The following KHDRBS3 variants were observed in gnomAD, a reference collection of about 807,000 sequenced individuals.
KHDRBS3 encodes KH RNA binding domain containing, signal transduction associated 3.
A neutral mutation model predicts 45.6 loss-of-function variants in KHDRBS3; 23 were observed. The ratio of observed to expected loss-of-function variants is 0.50; its 90% CI spans 0.36 to 0.72. KHDRBS3 has a LOEUF of 0.72. KHDRBS3 is among the 30% of genes least tolerant of loss of function. The pLI, the probability that KHDRBS3 is intolerant of heterozygous loss-of-function variation, is 0.00. For missense variants in KHDRBS3, 352 were observed against 424.8 expected, an observed-to-expected ratio of 0.83 and a Z score of 1.51; for synonymous variants, 162 against 156.5, an observed-to-expected ratio of 1.04 and a Z score of -0.26.
At chr8:135,542,510 T>C (rs1277863874) in intron 2 of KHDRBS3, 144 bp from the exon 3 acceptor site, 1 of 601,668 alleles carries the variant, frequency 1.7e-6, no homozygotes, top group Non-Finnish European at 3.0e-6. Flanking sequence ...GTGGGAAACA[T>C]CATATTTTAA....
intron 1 of KHDRBS3, among the ~76,000 whole-genome samples, chr8:135,493,911 T>A (rs1246937917): frequency 6.6e-6 from 1 of 152,178 alleles, no homozygotes; most frequent in Non-Finnish European, 1.5e-5. Flanking sequence ...GAGAAAAGCT[T>A]TTAAACTATG....
At chr8:135,621,291 A>C (rs1554641019) in intron 7 of KHDRBS3, among the ~76,000 whole-genome samples, 3 of 152,224 alleles carry the variant, frequency 2.0e-5, no homozygotes, top group Non-Finnish European at 4.4e-5. Flanking sequence ...TAAGTACTAT[A>C]TAAATTAGAT....
chr8:135,462,357 A>G, intron 1 of KHDRBS3, among the ~76,000 whole-genome samples: 1 of 151,472 alleles, frequency 6.6e-6, no homozygotes, highest in Non-Finnish European at 1.5e-5. Flanking sequence ...GGGTTTTGGT[A>G]TTGGACATTA....
At chr8:135,492,068 C>T (rs1586600921) in intron 1 of KHDRBS3, among the ~76,000 whole-genome samples, 1 of 151,888 alleles carries the variant, frequency 6.6e-6, no homozygotes, top group East Asian at 1.9e-4. Context: ...AAGAGAAGTC[C>T]ATATGTATTA....
At chr8:135,579,134 C>G (rs1440718851) in intron 5 of KHDRBS3, among the ~76,000 whole-genome samples, 1 of 151,966 alleles carries the variant, frequency 6.6e-6, no homozygotes, top group Non-Finnish European at 1.5e-5. Context: ...AGTGATGTCA[C>G]CTGTGAACAA....
intron 7 of KHDRBS3, among the ~76,000 whole-genome samples, chr8:135,643,023 G>A (rs1831130191): frequency 6.6e-6 from 1 of 151,964 alleles, no homozygotes; most frequent in Non-Finnish European, 1.5e-5. Context: ...TCGATCTTCT[G>A]ACCTCGTGAT....
chr8:135,570,257 A>G (rs911779232), intron 5 of KHDRBS3, among the ~76,000 whole-genome samples: 1 of 152,186 alleles, frequency 6.6e-6, no homozygotes, highest in Non-Finnish European at 1.5e-5. Context: ...TTATTTTTAG[A>G]GGCGTAAACA....
chr8:135,645,668 G>C (rs568215742), intron 8 of KHDRBS3, among the ~76,000 whole-genome samples: 45 of 152,218 alleles, frequency 3.0e-4, no homozygotes, highest in Non-Finnish European at 5.7e-4. Flanking sequence ...CAGTGGAGCT[G>C]GTAGAGATGC....
At chr8:135,539,295 C>T (rs1415025350) in intron 2 of KHDRBS3, 6 of 152,272 alleles carry the variant, frequency 3.9e-5, no homozygotes, top group South Asian at 2.1e-4. Flanking sequence ...AGCACATTAC[C>T]ATTATTGTGA....
intron 4 of KHDRBS3, among the ~76,000 whole-genome samples, chr8:135,552,419 T>G (rs1261147753): frequency 1.3e-5 from 2 of 152,218 alleles, no homozygotes; most frequent in Non-Finnish European, 2.9e-5. Flanking sequence ...AATTTTTCAT[T>G]GTTGGCAATA....
At chr8:135,638,983 AAG>A (rs1491014923) in intron 7 of KHDRBS3, among the ~76,000 whole-genome samples, 3 of 151,906 alleles carry the variant, frequency 2.0e-5, no homozygotes, top group East Asian at 1.9e-4. Context: ...AAAAAAAAAA[AAG>A]AAGTAGCTAG....
intron 7 of KHDRBS3, among the ~76,000 whole-genome samples, chr8:135,629,263 A>G (rs897902712): frequency 6.6e-6 from 1 of 152,244 alleles, no homozygotes; most frequent in Non-Finnish European, 1.5e-5. Flanking sequence ...AGGGTTAAGG[A>G]TAATAGTCAC....
intron 6 of KHDRBS3, among the ~76,000 whole-genome samples, chr8:135,601,826 A>G (rs1829229228): frequency 6.6e-6 from 1 of 152,194 alleles, no homozygotes; most frequent in African/African-American, 2.4e-5. Flanking sequence ...ATAGCAAATA[A>G]TACATTCACT....
chr8:135,542,703 G>A lies in KHDRBS3; in HGVS notation c.257G>A (p.Arg86His), dbSNP rs764983380. 2 of 1,613,678 alleles carry A rather than the reference G, an allele frequency of 1.2e-6. No homozygotes were observed. The highest frequency in any genetic ancestry group is 1.7e-6 in the Non-Finnish European group (2 of 1,179,824). The change falls in exon 3 of 9, where the codon CGT (arginine) becomes CAT (histidine). Residue 86 changes from arginine (R) to histidine (H), a missense_variant. Around this residue, in one of 6 missense-constraint regions of KHDRBS3, gnomAD observed 15 missense variants for 30.2 expected, o/e 0.50. Transcript: ENST00000355849. Reference protein sequence around the residue: ...LLGPRGNSLKRLQEETLTKMS... With the variant: ...LLGPRGNSLKHLQEETLTKMS... ...GGTCCACGTGGCAATTCTCTGAAGCGTTTACAAGAAGAAACCTTGACAAAA... is the reference window on the plus strand; with the variant it reads ...GGTCCACGTGGCAATTCTCTGAAGCATTTACAAGAAGAAACCTTGACAAAA...
intron 3 of KHDRBS3, among the ~76,000 whole-genome samples, chr8:135,546,356 A>C (rs16905397): frequency 0.011 from 1,710 of 152,248 alleles, 27 homozygotes; most frequent in African/African-American, 0.037. Flanking sequence ...CAAAGTGTTC[A>C]CTATTAAAAT....
chr8:135,589,930 T>G (rs1828670107), intron 6 of KHDRBS3, among the ~76,000 whole-genome samples: 1 of 152,220 alleles, frequency 6.6e-6, no homozygotes, highest in South Asian at 2.1e-4. Flanking sequence ...CATAACATGG[T>G]CCACTTAGTG....
intron 1 of KHDRBS3, among the ~76,000 whole-genome samples, chr8:135,518,844 A>G (rs1417467174): frequency 1.3e-5 from 2 of 152,230 alleles, no homozygotes; most frequent in African/African-American, 4.8e-5. Context: ...ACAGTTGATT[A>G]CAATTATTTC....
intron 8 of KHDRBS3, among the ~76,000 whole-genome samples, chr8:135,645,397 C>A (rs1831242003): frequency 6.6e-6 from 1 of 152,176 alleles, no homozygotes; most frequent in Middle Eastern, 3.2e-3. Context: ...AGTAGTTTTT[C>A]AAACTTCAGA....
chr8:135,561,878 A>G (rs1827186241), intron 5 of KHDRBS3, among the ~76,000 whole-genome samples: 1 of 152,154 alleles, frequency 6.6e-6, no homozygotes, highest in Non-Finnish European at 1.5e-5. Context: ...AAAAGTTAAC[A>G]GAAGAGTACT....
Sources: allele counts gnomAD v4.1 joint callset (sites outside exome capture counted in the v4.1 genomes callset), GRCh38; gene constraint gnomAD v4.1.1; regional missense constraint gnomAD v4.1.1; transcripts MANE v1.5; gene names NCBI Gene and HGNC (gene_info 2026-07-23, HGNC 2026-07-21).